VWA8: variants seen among roughly 807,000 people sequenced by gnomAD.
VWA8 encodes the protein von Willebrand factor A domain-containing protein 8.
In VWA8, 221 loss-of-function variants were observed where a neutral mutation model predicts 241.5. The observed-to-expected ratio is 0.91, with a 90% CI of 0.82 to 1.02. VWA8 has a LOEUF of 1.02. VWA8 is among the 50% of genes least tolerant of loss of function. The pLI is 0.00. For missense variants in VWA8, 2,322 were observed against 2,328.7 expected, an observed-to-expected ratio of 1.00 and a Z score of 0.06; for synonymous variants, 852 against 827.1, an observed-to-expected ratio of 1.03 and a Z score of -0.52.
At chr13:41,633,503 TG>T (rs1304516066) in intron 37 of VWA8, among the ~76,000 whole-genome samples, 1 of 152,152 alleles carries the variant, frequency 6.6e-6, no homozygotes, top group African/African-American at 2.4e-5. Context: ...CTGGAACTTA[TG>T]GGGGCAAGTT....
chr13:41,920,375 T>C (rs978464516), intron 2 of VWA8, among the ~76,000 whole-genome samples: 9 of 151,916 alleles, frequency 5.9e-5, no homozygotes, highest in African/African-American at 2.2e-4. Flanking sequence ...TGTTAGAAAG[T>C]GCTTCAGAGG....
At chr13:41,884,890 T>TATACATACATAC (rs10544998) in intron 8 of VWA8, among the ~76,000 whole-genome samples, 7 of 150,058 alleles carry the variant, frequency 4.7e-5, no homozygotes, top group African/African-American at 9.9e-5. Context: ...AACATACATA[T>TATACATACATAC]ATACATACAT....
intron 13 of VWA8, 133 bp from the exon 14 acceptor site, chr13:41,830,775 T>C: frequency 3.0e-6 from 2 of 671,602 alleles, no homozygotes; most frequent in South Asian, 2.1e-5. Context: ...AGATGGACCT[T>C]TCAAAATTTC....
At position 41,639,204 on chromosome 13, in the gene VWA8, T is replaced by C. The variant is rs139877498; in HGVS notation, c.4612-24120A>G. Among the ~76,000 whole-genome samples the C allele has an allele frequency of 2.1e-3, 316 of 152,088 alleles. 3 individuals carry two copies. The highest frequency in any genetic ancestry group is 7.4e-3 in the African/African-American group (308 of 41,508). On this transcript the variant is annotated intron_variant, in intron 37 of 44. Transcript: ENST00000379310. The stretch of plus-strand genomic sequence containing the variant: ...AAGAATTTTTAAATTTCTAAACACA[T>C]TCCTTTAAATGAAAGTTTTGAGGAG...
At chr13:41,793,389 T>C (rs1869540940) in intron 17 of VWA8, among the ~76,000 whole-genome samples, 1 of 152,198 alleles carries the variant, frequency 6.6e-6, no homozygotes, top group Non-Finnish European at 1.5e-5. Flanking sequence ...AAGAAAGATA[T>C]GTTTTAATAG....
chr13:41,802,199 A>G (rs1192369076), intron 17 of VWA8, among the ~76,000 whole-genome samples: 3 of 152,154 alleles, frequency 2.0e-5, no homozygotes, highest in Non-Finnish European at 4.4e-5. Context: ...TTGGAGAAAG[A>G]ATCTGTGTGC....
chr13:41,736,086 TA>T (rs1205147174), intron 21 of VWA8, among the ~76,000 whole-genome samples: 1 of 152,138 alleles, frequency 6.6e-6, no homozygotes, highest in Admixed American at 6.5e-5. Flanking sequence ...GAAGAAAACT[TA>T]AAACACATTT....
chr13:41,883,489 A>T lies in VWA8; in HGVS notation c.978T>A (p.Asp326Glu). The change falls in exon 9 of 45, where the codon GAT (aspartate) becomes GAA (glutamate). Residue 326 changes from aspartate to glutamate, a missense_variant and splice_region_variant. Transcript: ENST00000379310. ...DSLAAAVQILDSFPMMPIKHA... is the reference protein window; with the variant it reads ...DSLAAAVQILESFPMMPIKHA... ...GTTTGATTGGCATCATAGGAAAGGA[A>T]TCCTATGTAGGAGCAAAAATACATA... 6.2e-7 allele frequency: 1 copy of T among 1,610,530 alleles called. No homozygotes were observed. The highest frequency in any genetic ancestry group is 8.5e-7 in the Non-Finnish European group (1 of 1,177,218).
At position 41,671,111 on chromosome 13, in the gene VWA8, C is replaced by T. The variant is rs751056495; in HGVS notation, c.4446G>A (p.Ser1482=). ...GCAGTGCATCTGTGTCTGAAATGGT[C>T]GACAGCCATGTGGTATACGGCGAGA... ...ESLSPYTTWL[S]TISDTDALLA... Residue 1482 remains serine, a synonymous_variant, in exon 37 of 45, where the codon TCG becomes TCA. Transcript: ENST00000379310. The T allele has an allele frequency of 5.3e-5, 85 of 1,613,600 alleles. No individual in the cohort carries two copies. The highest frequency in any genetic ancestry group is 4.9e-4 in the Middle Eastern group (3 of 6,082).
intron 37 of VWA8, among the ~76,000 whole-genome samples, chr13:41,622,900 T>C (rs2044666256): frequency 6.6e-6 from 1 of 152,198 alleles, no homozygotes; most frequent in Non-Finnish European, 1.5e-5. Flanking sequence ...TGGAGACTAG[T>C]GTGGCAAAGC....
intron 21 of VWA8, among the ~76,000 whole-genome samples, chr13:41,741,569 T>C (rs2045569534): frequency 6.6e-6 from 1 of 152,226 alleles, no homozygotes. Flanking sequence ...TGACAAGGCA[T>C]ACTGTCTATA....
intron 37 of VWA8, among the ~76,000 whole-genome samples, chr13:41,630,170 C>T (rs144609070): frequency 2.6e-5 from 4 of 152,088 alleles, no homozygotes; most frequent in African/African-American, 7.2e-5. Context: ...CCTATTAGGG[C>T]GACTTGTGAT....
intron 37 of VWA8, among the ~76,000 whole-genome samples, chr13:41,626,453 A>G (rs890024544): frequency 4.6e-5 from 7 of 152,190 alleles, no homozygotes; most frequent in Admixed American, 4.6e-4. Context: ...AAAGAGCCAA[A>G]CAGCCAAAAC....
At chr13:41,664,356 T>C (rs1330452590) in intron 37 of VWA8, among the ~76,000 whole-genome samples, 2 of 151,344 alleles carry the variant, frequency 1.3e-5, no homozygotes, top group African/African-American at 2.4e-5. Flanking sequence ...TCTTTATCCA[T>C]GGGGTTCTAA....
chr13:41,877,575 GAACT>G (rs1213808011), intron 9 of VWA8, among the ~76,000 whole-genome samples: 1 of 151,808 alleles, frequency 6.6e-6, no homozygotes, highest in African/African-American at 2.4e-5. Context: ...AGTGTTTGTT[GAACT>G]AAATAAAAAT....
At chr13:41,717,349 T>C (rs530171329) in intron 26 of VWA8, among the ~76,000 whole-genome samples, 1 of 151,942 alleles carries the variant, frequency 6.6e-6, no homozygotes, top group African/African-American at 2.4e-5. Flanking sequence ...CAAATAGATA[T>C]GCTATGTATA....
chr13:41,772,685 T>TA (rs1224560151), intron 20 of VWA8, among the ~76,000 whole-genome samples: 1 of 152,210 alleles, frequency 6.6e-6, no homozygotes, highest in Non-Finnish European at 1.5e-5. Flanking sequence ...TGCTGTGTCA[T>TA]AAAATCTCAC....
At chr13:41,711,382 T>C (rs1262318308) in intron 26 of VWA8, among the ~76,000 whole-genome samples, 1 of 152,176 alleles carries the variant, frequency 6.6e-6, no homozygotes, top group Non-Finnish European at 1.5e-5. Context: ...CTTCTCTTTG[T>C]CCTCAGTAGT....
chr13:41,787,231 G>A (rs1869237095), intron 18 of VWA8, among the ~76,000 whole-genome samples: 1 of 144,618 alleles, frequency 6.9e-6, no homozygotes, highest in Non-Finnish European at 1.5e-5. Flanking sequence ...AGTATGTACT[G>A]AAATGAAGTA....
Sources: gnomAD v4.1 joint callset for allele counts (sites outside exome capture counted in the v4.1 genomes callset) on GRCh38, gnomAD v4.1.1 for gene constraint, MANE v1.5 for transcripts, NCBI Gene and HGNC (gene_info 2026-07-23, HGNC 2026-07-21) for gene names.